NT5DC3: variants seen among roughly 807,000 people sequenced by gnomAD.
The protein encoded by NT5DC3 is 5'-nucleotidase domain-containing protein 3.
Under a neutral mutation model 67.8 loss-of-function variants are expected in NT5DC3, and 42 were observed. The ratio of observed to expected loss-of-function variants is 0.62; its 90% CI spans 0.48 to 0.80. The LOEUF is 0.80. Ranked by LOEUF, NT5DC3 falls within the 30% of genes least tolerant of loss-of-function variation. The pLI is 0.00. For synonymous variants in NT5DC3, 237 were observed against 255.6 expected (o/e 0.93, Z 0.69); for missense variants, 570 against 696.4 (o/e 0.82, Z 2.04).
intron 1 of NT5DC3, among the ~76,000 whole-genome samples, chr12:103,820,014 T>C (rs1887427195): frequency 6.6e-6 from 1 of 152,210 alleles, no homozygotes; most frequent in Admixed American, 6.5e-5. Flanking sequence ...CTCATAGAAG[T>C]GGAGTCATAT....
chr12:103,764,316 G>A, the NT5DC3 span, among the ~76,000 whole-genome samples: 1 of 152,220 alleles, frequency 6.6e-6, no homozygotes, highest in Admixed American at 6.5e-5. Context: ...CTTGTTGTCA[G>A]AGCTGCTGCT....
intron 1 of NT5DC3, among the ~76,000 whole-genome samples, chr12:103,838,065 A>AC (rs1414143957): frequency 6.6e-6 from 1 of 152,202 alleles, no homozygotes; most frequent in Non-Finnish European, 1.5e-5. Flanking sequence ...GGTGAAAAGC[A>AC]CTTCTTACAT....
chr12:103,829,972 T>A (rs1396232250), intron 1 of NT5DC3, among the ~76,000 whole-genome samples: 1 of 152,238 alleles, frequency 6.6e-6, no homozygotes, highest in Non-Finnish European at 1.5e-5. Context: ...CTCAGCACTT[T>A]GAGGTGATCT....
At chr12:103,782,196 C>T (rs1447413464) in intron 12 of NT5DC3, among the ~76,000 whole-genome samples, 1 of 152,090 alleles carries the variant, frequency 6.6e-6, no homozygotes, top group Non-Finnish European at 1.5e-5. Context: ...ATGGTGAAAC[C>T]CAGTCTCTTC....
chr12:103,746,864 A>G, the NT5DC3 span, among the ~76,000 whole-genome samples: 1 of 151,656 alleles, frequency 6.6e-6, no homozygotes, highest in Admixed American at 6.6e-5. Flanking sequence ...GGGTGTGCTC[A>G]TGCTTGATCT....
At chr12:103,792,322 G>A (rs977167679) in intron 9 of NT5DC3, among the ~76,000 whole-genome samples, 16 of 152,094 alleles carry the variant, frequency 1.1e-4, no homozygotes, top group Non-Finnish European at 2.1e-4. Flanking sequence ...TGGAAAACTG[G>A]GACAAGAGGA....
rs200147231 is a variant in NT5DC3, at chr12:103,836,809, T to TA, written c.208+4139_208+4140insT. On this transcript the variant is annotated intron_variant, in intron 1 of 13. Coordinates refer to ENST00000392876, the MANE Select transcript of NT5DC3 (RefSeq NM_001031701.3). ...TCCTGTGGCTTTGCAGGGTACAGCC[T>TA]CCCTCCCAGCTGCTTTCACGGGTGG... Among the ~76,000 whole-genome samples the TA allele has an allele frequency of 6.6e-3, 1,002 of 152,196 alleles. 3 individuals carry two copies. Among genetic ancestry groups the TA allele is most frequent in the Non-Finnish European group, 8.3e-3 (563 of 67,974 alleles).
At chr12:103,816,291 A>G (rs1392354695) in intron 1 of NT5DC3, among the ~76,000 whole-genome samples, 2 of 152,250 alleles carry the variant, frequency 1.3e-5, no homozygotes, top group Non-Finnish European at 2.9e-5. Context: ...AAATGCTCCA[A>G]TGAGTGATTG....
rs140193272 is a variant in NT5DC3, at chr12:103,836,050, T to A, written c.208+4899A>T. Reference sequence around the variant, plus strand: ...CTTATTCACTATCACGAGAATAGCATGGGAAAGACCAGCCCCCATGATTCA... The same window carrying A: ...CTTATTCACTATCACGAGAATAGCAAGGGAAAGACCAGCCCCCATGATTCA... On this transcript the variant is annotated intron_variant, in intron 1 of 13. Transcript: ENST00000392876. Among the ~76,000 whole-genome samples, 173 of 152,180 alleles carry A rather than the reference T, an allele frequency of 1.1e-3. 6 individuals carry two copies. In the East Asian group the frequency reaches 0.025, roughly 22 times the overall value.
At chr12:103,787,549 GTTA>G (rs1194122397) in intron 10 of NT5DC3, 22 bp from the exon 11 acceptor site, 4 of 1,349,836 alleles carry the variant, frequency 3.0e-6, no homozygotes, top group African/African-American at 1.5e-5. Flanking sequence ...GAAAACTATA[GTTA>G]TTATTATTAC....
At chr12:103,790,978 C>T (rs928442930) in intron 9 of NT5DC3, among the ~76,000 whole-genome samples, 5 of 151,996 alleles carry the variant, frequency 3.3e-5, no homozygotes, top group Non-Finnish European at 7.4e-5. Context: ...CGTGAGCCAC[C>T]GCACCCGGCC....
chr12:103,751,683 A>C, the NT5DC3 span, among the ~76,000 whole-genome samples: 1 of 152,158 alleles, frequency 6.6e-6, no homozygotes, highest in African/African-American at 2.4e-5. Flanking sequence ...AGTCAAGAAG[A>C]GCTTGGCTTT....
chr12:103,782,581 G>A (rs1026723659), intron 12 of NT5DC3, among the ~76,000 whole-genome samples: 1 of 152,190 alleles, frequency 6.6e-6, no homozygotes, highest in Non-Finnish European at 1.5e-5. Context: ...CTTTGCAGAA[G>A]CTTGCTGACC....
chr12:103,803,167 A>C (rs900122407), intron 4 of NT5DC3, among the ~76,000 whole-genome samples: 2 of 152,212 alleles, frequency 1.3e-5, no homozygotes, highest in Non-Finnish European at 2.9e-5. Context: ...CCACTGCAAC[A>C]ATAATTCTGG....
chr12:103,794,079 T>C, intron 6 of NT5DC3, 82 bp from the exon 7 acceptor site: 1 of 1,052,262 alleles, frequency 9.5e-7, no homozygotes, highest in Non-Finnish European at 1.5e-6. Context: ...GCAGTCATGG[T>C]AACTTCTGTC....
intron 2 of NT5DC3, among the ~76,000 whole-genome samples, chr12:103,811,432 A>T (rs1887027845): frequency 6.6e-6 from 1 of 152,074 alleles, no homozygotes; most frequent in Non-Finnish European, 1.5e-5. Context: ...CCTCACTATG[A>T]TGGGATGAAA....
At chr12:103,756,996 A>AAAAAAAATATATAT in the NT5DC3 span, among the ~76,000 whole-genome samples, 1 of 56,358 alleles carries the variant, frequency 1.8e-5, no homozygotes, top group African/African-American at 1.0e-4. Flanking sequence ...AAGGAGGGAA[A>AAAAAAAATATATAT]ATATATATAT....
chr12:103,799,927 G>A (rs1279725412), intron 4 of NT5DC3, among the ~76,000 whole-genome samples: 1 of 151,956 alleles, frequency 6.6e-6, no homozygotes, highest in Non-Finnish European at 1.5e-5. Context: ...CGTCAGGAGG[G>A]GAAACACCTG....
chr12:103,831,792 T>C (rs1401063014), intron 1 of NT5DC3, among the ~76,000 whole-genome samples: 3 of 131,464 alleles, frequency 2.3e-5, no homozygotes, highest in Admixed American at 7.8e-5. Context: ...TTTTTTTTTT[T>C]TGAGACAGAA....
Sources: gnomAD v4.1 joint callset for allele counts (sites outside exome capture counted in the v4.1 genomes callset) on GRCh38, gnomAD v4.1.1 for gene constraint, MANE v1.5 for transcripts, NCBI Gene and HGNC (gene_info 2026-07-23, HGNC 2026-07-21) for gene names.